Variants in REV3L observed in about 807,000 individuals in gnomAD.
REV3L encodes DNA polymerase zeta catalytic subunit.
In REV3L, 69 loss-of-function variants were observed where a neutral mutation model predicts 299.4. That is an observed-to-expected ratio of 0.23 (90% confidence interval 0.19 to 0.28). REV3L has a LOEUF of 0.28. REV3L is among the 10% of genes least tolerant of loss of function. The pLI, the probability that REV3L is intolerant of heterozygous loss-of-function variation, is 1.00. For synonymous variants in REV3L, 1,238 were observed against 1,271.4 expected, an observed-to-expected ratio of 0.97 and a Z score of 0.56; for missense variants, 3,128 against 3,693.8, an observed-to-expected ratio of 0.85 and a Z score of 3.97.
At position 111,433,856 on chromosome 6, in the gene REV3L, C is replaced by T. The variant is rs141711430; in HGVS notation, c.140-17384G>A. Among the ~76,000 whole-genome samples the T allele has an allele frequency of 5.6e-3, 853 of 152,194 alleles. 5 individuals are homozygous for T. Among genetic ancestry groups the T allele is most frequent in the Non-Finnish European group, 8.8e-3 (598 of 67,988 alleles). Reference sequence around the variant, plus strand: ...ATCACATTAGAAAGATCATTCACCACGATCAAGTGGAATTCATCCCAGGGA... The same window carrying T: ...ATCACATTAGAAAGATCATTCACCATGATCAAGTGGAATTCATCCCAGGGA... On this transcript the variant is annotated intron_variant, in intron 1 of 31. Coordinates refer to ENST00000368802, the MANE Select transcript of REV3L (RefSeq NM_001372078.1).
intron 1 of REV3L, among the ~76,000 whole-genome samples, chr6:111,456,513 C>G (rs1790176980): frequency 1.3e-5 from 2 of 152,052 alleles, no homozygotes; most frequent in Non-Finnish European, 2.9e-5. Context: ...TGGAGATGTC[C>G]CTATCTCAAA....
chr6:111,354,130 T>C (rs1025566131), intron 18 of REV3L: 4 of 152,196 alleles, frequency 2.6e-5, no homozygotes, highest in African/African-American at 9.7e-5. Context: ...TAGTTACCTA[T>C]CACATATCAC....
chr6:111,467,603 T>C lies in REV3L; in HGVS notation c.139+15147A>G, dbSNP rs568893787. Among the ~76,000 whole-genome samples, 16 of 152,334 alleles carry C rather than the reference T, an allele frequency of 1.1e-4. No individual in the cohort carries two copies. The East Asian group carries it at 2.1e-3, about 20-fold the overall frequency. The stretch of plus-strand genomic sequence containing the variant: ...AAGAGTTGCATCTGTACTGAATGCG[T>C]ACAAACTTTTTTCCTTGTTATTACT... On this transcript the variant is annotated intron_variant, in intron 1 of 31. Transcript: ENST00000368802.
intron 1 of REV3L, among the ~76,000 whole-genome samples, chr6:111,455,083 AAAAC>A (rs1461889160): frequency 3.3e-4 from 50 of 152,206 alleles, no homozygotes; most frequent in East Asian, 1.9e-4. Flanking sequence ...AGACATGTTA[AAAAC>A]AAACAATCTT....
chr6:111,474,261 A>G (rs1304169903), intron 1 of REV3L, among the ~76,000 whole-genome samples: 1 of 152,212 alleles, frequency 6.6e-6, no homozygotes, highest in African/African-American at 2.4e-5. Flanking sequence ...AGAGCATATC[A>G]AACGCACGTG....
At chr6:111,342,640 C>CCA (rs1776635919) in intron 21 of REV3L, among the ~76,000 whole-genome samples, 1 of 150,728 alleles carries the variant, frequency 6.6e-6, no homozygotes, top group East Asian at 2.0e-4. Context: ...TGCACTCCAG[C>CCA]CTGGGTGACA....
In REV3L at chr6:111,367,594, T is replaced by C. The variant is rs762332101; in HGVS notation, c.6194A>G (p.His2065Arg). Residue 2065 changes from histidine (H) to arginine (R), a missense_variant, in exon 14 of 32, where the codon CAT becomes CGT. Coordinates refer to ENST00000368802, the MANE Select transcript of REV3L (RefSeq NM_001372078.1). ...AGAATTATCAACATCCTCCTTGGTA[T>C]GTGCTGTAGTGGGGAGTATACATGG... The part of the protein sequence containing the change: ...VSPCILPTTA[H>R]TKEDVDNSQI... 24 of 1,614,060 alleles carry C rather than the reference T, an allele frequency of 1.5e-5. No individual in the cohort carries two copies. In the Admixed American group the frequency reaches 3.2e-4, roughly 21 times the overall value.
At chr6:111,438,629 G>C (rs1582995821) in intron 1 of REV3L, among the ~76,000 whole-genome samples, 1 of 151,782 alleles carries the variant, frequency 6.6e-6, no homozygotes, top group African/African-American at 2.4e-5. Context: ...TTTAATATTT[G>C]AACAGGCTCC....
intron 1 of REV3L, among the ~76,000 whole-genome samples, chr6:111,417,971 A>G (rs1221075425): frequency 1.3e-5 from 2 of 152,190 alleles, no homozygotes; most frequent in Non-Finnish European, 2.9e-5. Context: ...CCTAAATTTC[A>G]TAGTTTTTCA....
intron 20 of REV3L, among the ~76,000 whole-genome samples, chr6:111,344,690 T>C (rs936077322): frequency 1.3e-5 from 2 of 152,166 alleles, no homozygotes; most frequent in Non-Finnish European, 2.9e-5. Context: ...TTCTCTGAAA[T>C]ATCTACAAGA....
chr6:111,427,021 A>T (rs1786258357), intron 1 of REV3L, among the ~76,000 whole-genome samples: 1 of 152,028 alleles, frequency 6.6e-6, no homozygotes. Flanking sequence ...GTGGTATTTT[A>T]ATTGAAAGGT....
chr6:111,340,258 A>C (rs1487321531), intron 21 of REV3L, among the ~76,000 whole-genome samples: 2 of 152,178 alleles, frequency 1.3e-5, no homozygotes, highest in African/African-American at 4.8e-5. Flanking sequence ...TAGCTCAGAA[A>C]CTGGAATCTG....
chr6:111,301,268 C>T (rs1386101817), intron 31 of REV3L, among the ~76,000 whole-genome samples: 1 of 152,148 alleles, frequency 6.6e-6, no homozygotes, highest in Non-Finnish European at 1.5e-5. Context: ...ACAATGTGTG[C>T]CCAGCACGAC....
chr6:111,331,597 G>T, intron 24 of REV3L, 79 bp downstream of exon 24: 1 of 921,666 alleles, frequency 1.1e-6, no homozygotes, highest in Non-Finnish European at 1.6e-6. Context: ...TCTATTATGT[G>T]CCAACAATAT....
intron 20 of REV3L, chr6:111,348,997 C>T (rs1000969909): frequency 2.1e-5 from 7 of 332,484 alleles, no homozygotes; most frequent in Admixed American, 5.6e-5. Flanking sequence ...TTATTGCTAC[C>T]TTAGACACAA....
chr6:111,307,575 A>G lies in REV3L; in HGVS notation c.9043-5T>C. The G allele has an allele frequency of 6.2e-7, 1 of 1,613,978 alleles. No homozygotes were observed. Among genetic ancestry groups the G allele is most frequent in the Non-Finnish European group, 8.5e-7 (1 of 1,179,860 alleles). On this transcript the variant is annotated splice_polypyrimidine_tract_variant and splice_region_variant and intron_variant, in intron 30 of 31. Coordinates refer to ENST00000368802, the MANE Select transcript of REV3L (RefSeq NM_001372078.1). ...GGAGCTGGTAGCTTTATGGATCTAT[A>G]AAAACATCCATTCAGAAGTAAGCCT... is the stretch of plus-strand genomic sequence containing the variant.
rs182695332 is a variant in REV3L at position 111,466,928 on chromosome 6, T to A, written c.139+15822A>T. 2.2e-3 allele frequency among the ~76,000 whole-genome samples: 330 copies of A among 152,350 alleles called. 1 individual carries two copies. The highest frequency in any genetic ancestry group is 7.5e-3 in the African/African-American group (311 of 41,588). ...AAATAACAGTAAGTCAATAATTTGG[T>A]ATTAAATGAAAAACTTCCTTTCAAT... On this transcript the variant is annotated intron_variant, in intron 1 of 31. Coordinates refer to ENST00000368802, the MANE Select transcript of REV3L (RefSeq NM_001372078.1).
chr6:111,425,352 G>A (rs190706796), intron 1 of REV3L, among the ~76,000 whole-genome samples: 247 of 152,236 alleles, frequency 1.6e-3, no homozygotes, highest in East Asian at 8.9e-3. Context: ...CCAGCTCCTC[G>A]GGAGGCTGAG....
At chr6:111,459,937 A>G (rs1471625847) in intron 1 of REV3L, among the ~76,000 whole-genome samples, 4 of 152,178 alleles carry the variant, frequency 2.6e-5, no homozygotes, top group African/African-American at 7.2e-5. Flanking sequence ...AAAGAAAAAT[A>G]TATCATTCTA....
Sources: gnomAD v4.1 joint callset for allele counts (sites outside exome capture counted in the v4.1 genomes callset) on GRCh38, gnomAD v4.1.1 for gene constraint, MANE v1.5 for transcripts, NCBI Gene and HGNC (gene_info 2026-07-23, HGNC 2026-07-21) for gene names.